The following GABRB1 variants were observed in gnomAD, a reference collection of about 807,000 sequenced individuals.
GABRB1 encodes gamma-aminobutyric acid type A receptor subunit beta1.
In GABRB1, 17 loss-of-function variants were observed where a neutral mutation model predicts 51.6. That is an observed-to-expected ratio of 0.33 (90% confidence interval 0.23 to 0.49). The LOEUF (loss-of-function observed/expected upper bound fraction) is 0.49, where lower values mean the gene tolerates loss of function less well. Ranked by LOEUF, GABRB1 falls within the 20% of genes least tolerant of loss-of-function variation. The probability of loss-of-function intolerance (pLI) is 0.99; values close to 1 mark genes in which losing one functional copy is unlikely to be tolerated. For missense variants in GABRB1, 410 were observed against 600.6 expected (o/e 0.68, Z 3.32); for synonymous variants, 247 against 218.9 (o/e 1.13, Z -1.14).
chr4:47,169,214 T>C (rs1231725313), intron 4 of GABRB1, among the ~76,000 whole-genome samples: 4 of 152,168 alleles, frequency 2.6e-5, no homozygotes, highest in Admixed American at 6.5e-5. Context: ...CTCTTCTTTA[T>C]TTATGAACTA....
At chr4:47,106,606 C>T (rs1714981628) in intron 3 of GABRB1, among the ~76,000 whole-genome samples, 1 of 151,942 alleles carries the variant, frequency 6.6e-6, no homozygotes, top group South Asian at 2.1e-4. Context: ...ATTCTGCAAA[C>T]CCAACCAACT....
chr4:47,140,083 AAATT>A (rs1372497758), intron 3 of GABRB1, among the ~76,000 whole-genome samples: 1 of 140,384 alleles, frequency 7.1e-6, no homozygotes, highest in Non-Finnish European at 1.5e-5. Context: ...CCTGGTAACT[AAATT>A]AAATTAACAC....
intron 4 of GABRB1, among the ~76,000 whole-genome samples, chr4:47,224,034 C>T (rs927612912): frequency 4.6e-5 from 7 of 152,152 alleles, no homozygotes; most frequent in South Asian, 2.1e-4. Context: ...AAACTCAGTA[C>T]TACTGACAGC....
chr4:47,077,821 AT>A (rs1056772013), intron 3 of GABRB1, among the ~76,000 whole-genome samples: 995 of 8,130 alleles, frequency 0.12, 17 homozygotes, highest in African/African-American at 0.25. Context: ...ATATAAAAAA[AT>A]ATAATATATA....
chr4:47,295,463 A>G lies in GABRB1; in HGVS notation c.462-24664A>G, dbSNP rs111839215. 8.3e-3 allele frequency among the ~76,000 whole-genome samples: 1,269 copies of G among 152,368 alleles called. 21 individuals are homozygous for G. The highest frequency in any genetic ancestry group is 0.029 in the African/African-American group (1,200 of 41,578). ...GGCTCGAGAACTACATGAAGAATGC[A>G]GAAGCCTCAGGAGCCGATGTGATCA... is the stretch of plus-strand genomic sequence containing the variant. On this transcript the variant is annotated intron_variant, in intron 4 of 8. Transcript: ENST00000295454.
chr4:47,039,758 G>T (rs1725749066), intron 3 of GABRB1, among the ~76,000 whole-genome samples: 1 of 152,158 alleles, frequency 6.6e-6, no homozygotes, highest in African/African-American at 2.4e-5. Context: ...TGCACTGGGA[G>T]GTGTGCCTGA....
intron 4 of GABRB1, among the ~76,000 whole-genome samples, chr4:47,205,290 AC>A (rs1490597406): frequency 6.6e-6 from 1 of 152,176 alleles, no homozygotes; most frequent in African/African-American, 2.4e-5. Flanking sequence ...AACAGAGAAG[AC>A]AAAAGTTGCC....
chr4:47,407,293 C>T (rs754311518), intron 8 of GABRB1, among the ~76,000 whole-genome samples: 2 of 152,212 alleles, frequency 1.3e-5, no homozygotes, highest in Non-Finnish European at 2.9e-5. Flanking sequence ...AGACTGAAAT[C>T]AAACTGCCTG....
chr4:47,111,256 C>T (rs1715197752), intron 3 of GABRB1, among the ~76,000 whole-genome samples: 1 of 151,908 alleles, frequency 6.6e-6, no homozygotes, highest in Non-Finnish European at 1.5e-5. Flanking sequence ...AAATATCTGG[C>T]ATTATTAAGC....
chr4:47,368,096 T>G (rs1727051757), intron 5 of GABRB1, among the ~76,000 whole-genome samples: 1 of 152,174 alleles, frequency 6.6e-6, no homozygotes. Context: ...AGCCCAATAT[T>G]ATATCTCTAC....
chr4:47,182,319 G>A (rs1718985265), intron 4 of GABRB1, among the ~76,000 whole-genome samples: 1 of 151,934 alleles, frequency 6.6e-6, no homozygotes, highest in Non-Finnish European at 1.5e-5. Context: ...TGATGCAGTA[G>A]AGATTCATGG....
At chr4:47,245,325 T>G (rs1404212555) in intron 4 of GABRB1, among the ~76,000 whole-genome samples, 1 of 152,166 alleles carries the variant, frequency 6.6e-6, no homozygotes, top group Non-Finnish European at 1.5e-5. Context: ...TTAATTTTGT[T>G]CAGATAGCCT....
chr4:47,073,899 G>T (rs1014617171), intron 3 of GABRB1, among the ~76,000 whole-genome samples: 2 of 152,120 alleles, frequency 1.3e-5, no homozygotes, highest in African/African-American at 4.8e-5. Flanking sequence ...AAACAGAGAT[G>T]TCACAGAATG....
intron 4 of GABRB1, among the ~76,000 whole-genome samples, chr4:47,251,989 C>G (rs2109864669): frequency 6.6e-6 from 1 of 152,270 alleles, no homozygotes; most frequent in Middle Eastern, 3.4e-3. Context: ...CACGCCCTCC[C>G]TTGAGTTCTG....
At chr4:47,350,183 T>TTATATATATATATATATA (rs367708916) in intron 5 of GABRB1, among the ~76,000 whole-genome samples, 2 of 87,728 alleles carry the variant, frequency 2.3e-5, no homozygotes, top group South Asian at 4.8e-4. Flanking sequence ...TGGGCTCAGA[T>TTATATATATATATATATA]TATATATATA....
At chr4:47,310,359 C>T (rs574659239) in intron 4 of GABRB1, among the ~76,000 whole-genome samples, 106 of 152,210 alleles carry the variant, frequency 7.0e-4, no homozygotes, top group African/African-American at 2.5e-3. Context: ...TTTTTAATTG[C>T]TGTAGCCAAT....
chr4:47,417,210 T>A (rs1279862946), intron 8 of GABRB1, among the ~76,000 whole-genome samples: 1 of 152,152 alleles, frequency 6.6e-6, no homozygotes, highest in African/African-American at 2.4e-5. Context: ...ACAAAATACC[T>A]TCTCAGCAAC....
intron 1 of GABRB1, among the ~76,000 whole-genome samples, chr4:47,014,732 C>T (rs981420647): frequency 2.0e-5 from 3 of 152,070 alleles, no homozygotes; most frequent in African/African-American, 7.2e-5. Context: ...GTATATGATT[C>T]TGAAGCAAGA....
chr4:47,182,468 C>G (rs1163734222), intron 4 of GABRB1, among the ~76,000 whole-genome samples: 1 of 151,850 alleles, frequency 6.6e-6, no homozygotes, highest in East Asian at 1.9e-4. Flanking sequence ...ATATTTAGAA[C>G]AGAAGAGATT....
Sources: gnomAD v4.1 joint callset for allele counts (sites outside exome capture counted in the v4.1 genomes callset) on GRCh38, gnomAD v4.1.1 for gene constraint, MANE v1.5 for transcripts, NCBI Gene and HGNC (gene_info 2026-07-23, HGNC 2026-07-21) for gene names.